LAD1: variants seen among roughly 807,000 people sequenced by gnomAD.
LAD1 encodes the protein ladinin-1.
In LAD1, 53 loss-of-function variants were observed where a neutral mutation model predicts 54.2. The ratio of observed to expected loss-of-function variants is 0.98; its 90% CI spans 0.78 to 1.23. The LOEUF is 1.23. LAD1 is among the 50% of genes most tolerant of loss of function. LAD1 has a pLI of 0.00. For missense variants in LAD1, 637 were observed against 653.3 expected (o/e 0.98, Z 0.27); for synonymous variants, 231 against 257.7 (o/e 0.90, Z 0.99).
At chr1:201,397,529 C>A (rs1021608556) in intron 1 of LAD1, among the ~76,000 whole-genome samples, 2 of 152,152 alleles carry the variant, frequency 1.3e-5, no homozygotes, top group African/African-American at 4.8e-5. Flanking sequence ...TTTCAAAGTT[C>A]CAGTGCCCCA....
In LAD1 at chr1:201,386,795, G is replaced by A. The variant is rs370468944; in HGVS notation, c.566C>T (p.Thr189Met). The A allele has an allele frequency of 1.7e-5, 27 of 1,613,870 alleles. No homozygotes were observed. The highest frequency in any genetic ancestry group is 8.0e-5 in the African/African-American group (6 of 74,874). ...VLEKSSMPKK[T>M]APEKSLVSDK... ...GGAGACCAGGCTCTTTTCAGGTGCCGTCTTCTTTGGCATGGAGGACTTCTC... is the reference window on the plus strand; with the variant it reads ...GGAGACCAGGCTCTTTTCAGGTGCCATCTTCTTTGGCATGGAGGACTTCTC... The change falls in exon 3 of 10, where the codon ACG (threonine) becomes ATG (methionine). Residue 189 changes from threonine (T) to methionine (M), a missense_variant. Transcript: ENST00000391967.
rs1408912628 is a variant in LAD1 at position 201,381,619 on chromosome 1, T to C, written c.*269A>G. 1 of 566,560 alleles carries C rather than the reference T, an allele frequency of 1.8e-6. No individual in the cohort carries two copies. The highest frequency in any genetic ancestry group is 3.2e-6 in the Non-Finnish European group (1 of 314,398). 35.1% of individuals were successfully genotyped at this position (566,560 alleles called of 1,614,324 possible). ...TAGGCCCCATAGTGCTGATGTGCAC[T>C]TGTGCTGTGACCTGGGCAGAGACTG... On this transcript the variant is annotated 3_prime_UTR_variant, in exon 10 of 10. Transcript: ENST00000391967.
Position 201,386,318 on chromosome 1 carries a change from G to A in LAD1, c.1026+17C>T, listed in dbSNP as rs1662082194. The A allele has an allele frequency of 8.2e-7, 1 of 1,225,854 alleles. No individual in the cohort carries two copies. The highest frequency in any genetic ancestry group is 1.1e-6 in the Non-Finnish European group (1 of 907,932). The allele number at this position is 1,225,854 out of a possible 1,614,324, so 75.9% of individuals were successfully genotyped here. A position where few individuals can be genotyped will look rare whatever the true frequency, so the allele number is the denominator to read the frequency against. On this transcript the variant is annotated intron_variant, in intron 3 of 9. Transcript: ENST00000391967. ...GGTGGCAGAGTAGAAGGGTGGGAGGGACGGGACACTGCCAACCTGGAGTGT... is the reference window on the plus strand; with the variant it reads ...GGTGGCAGAGTAGAAGGGTGGGAGGAACGGGACACTGCCAACCTGGAGTGT...
At chr1:201,387,759 G>A (rs1662124990) in intron 2 of LAD1, among the ~76,000 whole-genome samples, 1 of 152,172 alleles carries the variant, frequency 6.6e-6, no homozygotes, top group African/African-American at 2.4e-5. Flanking sequence ...GGAGAGGAGA[G>A]GGTCATCACA....
Position 201,386,872 on chromosome 1 carries a change from G to A in LAD1, c.489C>T (p.Gly163=). The part of the protein sequence containing the change: ...PWALEEESLV[G]REPEERKKGV... ...CTTTCTTCCTCTCTTCTGGCTCCCT[G>A]CCCACCAAGCTCTCCTCCTCCAGGG... Residue 163 remains glycine, a synonymous_variant, in exon 3 of 10, where the codon GGC becomes GGT. Coordinates refer to ENST00000391967, the MANE Select transcript of LAD1 (RefSeq NM_005558.4). 6.2e-7 allele frequency: 1 copy of A among 1,612,674 alleles called. No homozygotes were observed.
Position 201,387,190 on chromosome 1 carries a change from G to T in LAD1, c.183-12C>A. The T allele has an allele frequency of 1.3e-6, 2 of 1,495,264 alleles. No individual in the cohort carries two copies. The allele number at this position is 1,495,264 out of a possible 1,614,324, so 92.6% of individuals were successfully genotyped here. On this transcript the variant is annotated splice_polypyrimidine_tract_variant and intron_variant, in intron 2 of 9. Coordinates refer to ENST00000391967, the MANE Select transcript of LAD1 (RefSeq NM_005558.4). ...CCACGCTCGGTAGTCTGAATCAGAA[G>T]ATGGGAGACAGAATCAGAGGATAGA...
chr1:201,386,435 C>G lies in LAD1; in HGVS notation c.926G>C (p.Arg309Thr), dbSNP rs1268917141. The G allele has an allele frequency of 6.5e-7, 1 of 1,536,924 alleles. No homozygotes were observed. The highest frequency in any genetic ancestry group is 8.7e-7 in the Non-Finnish European group (1 of 1,147,928). Residue 309 changes from arginine (R) to threonine (T), a missense_variant, in exon 3 of 10, where the codon AGA becomes ACA. By Grantham distance (71) the Arg-to-Thr change is moderately conservative. Coordinates refer to ENST00000391967, the MANE Select transcript of LAD1 (RefSeq NM_005558.4). ...GGSPATTKEQ[R>T]GRALPGKNLP... Reference sequence around the variant, plus strand: ...GTTCTTCCCAGGGAGGGCCCTTCCTCTCTGCTCCTTGGTGGTGGCTGGGCT... The same window carrying G: ...GTTCTTCCCAGGGAGGGCCCTTCCTGTCTGCTCCTTGGTGGTGGCTGGGCT...
At chr1:201,398,408 A>G (rs886488948) in intron 1 of LAD1, among the ~76,000 whole-genome samples, 1 of 152,204 alleles carries the variant, frequency 6.6e-6, no homozygotes, top group African/African-American at 2.4e-5. Flanking sequence ...GCTCTGGGCT[A>G]CCGCAGGAGC....
Position 201,382,726 on chromosome 1 carries a change from A to G in LAD1, c.1400T>C (p.Leu467Pro). ...PASSRKENLRLSGVVTSRLNL... is the reference protein window; with the variant it reads ...PASSRKENLRPSGVVTSRLNL... ...GAGCCTTGATGTCACAACCCCTGAGAGCCTCAAGTTCTCCTAAAAAGAGAA... is the reference window on the plus strand; with the variant it reads ...GAGCCTTGATGTCACAACCCCTGAGGGCCTCAAGTTCTCCTAAAAAGAGAA... Residue 467 changes from leucine (L) to proline (P), a missense_variant, in exon 8 of 10, where the codon CTC (leucine) becomes CCC (proline). Transcript: ENST00000391967. The G allele has an allele frequency of 6.2e-7, 1 of 1,604,312 alleles. No homozygotes were observed. The highest frequency in any genetic ancestry group is 1.1e-5 in the South Asian group (1 of 88,776).
At chr1:201,386,279 G>A (rs1343725990) in intron 3 of LAD1, 56 bp downstream of exon 3, 18 of 1,394,712 alleles carry the variant, frequency 1.3e-5, no homozygotes, top group Admixed American at 3.3e-5. Context: ...GGGACTGGCC[G>A]GCAGTGCCAG....
chr1:201,394,212 T>C (rs1394511832), intron 1 of LAD1, among the ~76,000 whole-genome samples: 1 of 152,162 alleles, frequency 6.6e-6, no homozygotes, highest in East Asian at 1.9e-4. Context: ...TCCTCCTCCC[T>C]AGAAATTACA....
intron 2 of LAD1, among the ~76,000 whole-genome samples, chr1:201,387,871 C>G (rs769302438): frequency 4.7e-4 from 72 of 152,316 alleles, no homozygotes; most frequent in Non-Finnish European, 9.1e-4. Context: ...AGATTATTTT[C>G]CTTCCTCATC....
intron 1 of LAD1, among the ~76,000 whole-genome samples, chr1:201,394,410 G>A (rs905563671): frequency 6.6e-6 from 1 of 152,190 alleles, no homozygotes; most frequent in Non-Finnish European, 1.5e-5. Context: ...GCTCTTCCTG[G>A]TGAGAACCTC....
chr1:201,397,952 G>A (rs999145155), intron 1 of LAD1, among the ~76,000 whole-genome samples: 1 of 152,196 alleles, frequency 6.6e-6, no homozygotes, highest in Non-Finnish European at 1.5e-5. Context: ...CGCACCCTCA[G>A]CATAGACCTT....
At chr1:201,394,622 C>G (rs957614449) in intron 1 of LAD1, among the ~76,000 whole-genome samples, 3 of 152,246 alleles carry the variant, frequency 2.0e-5, no homozygotes, top group Non-Finnish European at 4.4e-5. Context: ...AACAGATGCT[C>G]TCTTATAAGG....
intron 3 of LAD1, among the ~76,000 whole-genome samples, chr1:201,386,042 A>C (rs1405536497): frequency 3.9e-5 from 6 of 152,150 alleles, no homozygotes; most frequent in African/African-American, 1.4e-4. Flanking sequence ...GAGGCTCCCC[A>C]CTAGTCTGCC....
chr1:201,392,396 T>C (rs1329707690), intron 1 of LAD1, among the ~76,000 whole-genome samples: 1 of 152,082 alleles, frequency 6.6e-6, no homozygotes, highest in South Asian at 2.1e-4. Context: ...AACAAGCCCA[T>C]GAACAAAATG....
rs928507698 is a variant in LAD1 at position 201,382,827 on chromosome 1, C to T, written c.1387-88G>A. The T allele has an allele frequency of 1.0e-5, 11 of 1,057,058 alleles. No homozygotes were observed. In the Admixed American group the frequency reaches 2.1e-4, roughly 20 times the overall value. The allele number at this position is 1,057,058 out of a possible 1,614,324, so 65.5% of individuals were successfully genotyped here. A position where few individuals can be genotyped will look rare whatever the true frequency, so the allele number is the denominator to read the frequency against. On this transcript the variant is annotated intron_variant, in intron 7 of 9. Coordinates refer to ENST00000391967, the MANE Select transcript of LAD1 (RefSeq NM_005558.4). Reference sequence around the variant, plus strand: ...GGCCCTGGAATGGGATAGGACTCTCCCTCACTCCCCTATGCATCCAGCACA... The same window carrying T: ...GGCCCTGGAATGGGATAGGACTCTCTCTCACTCCCCTATGCATCCAGCACA...
chr1:201,395,574 T>G (rs975367121), intron 1 of LAD1, among the ~76,000 whole-genome samples: 3 of 151,902 alleles, frequency 2.0e-5, no homozygotes, highest in African/African-American at 7.3e-5. Flanking sequence ...GCCAACATGG[T>G]GAAACCCCAT....
Sources: allele counts gnomAD v4.1 joint callset (sites outside exome capture counted in the v4.1 genomes callset), GRCh38; gene constraint gnomAD v4.1.1; transcripts MANE v1.5; gene names NCBI Gene and HGNC (gene_info 2026-07-23, HGNC 2026-07-21).